The following DMD variants were observed in gnomAD, a reference collection of about 807,000 sequenced individuals.
DMD encodes dystrophin, also known as mutant dystrophin.
DMD carries 63 observed loss-of-function variants against 330.1 expected under a neutral mutation model. The observed-to-expected ratio is 0.19, with a 90% CI of 0.16 to 0.24. The LOEUF (loss-of-function observed/expected upper bound fraction) is 0.24. DMD is among the 10% of genes least tolerant of loss of function. The pLI is 1.00. For synonymous variants in DMD, 1,223 were observed against 959.8 expected (o/e 1.27, Z -5.07); for missense variants, 3,344 against 2,684.1 (o/e 1.25, Z -5.43).
At chrX:32,375,591 T>A (rs1398554828) in intron 34 of DMD, among the ~76,000 whole-genome samples, 1 of 112,270 alleles carries the variant, frequency 8.9e-6, no homozygotes, top group Non-Finnish European at 1.9e-5. Flanking sequence ...TAACTCATCT[T>A]AAGGAATGAA....
At chrX:32,827,660 CTT>C (rs5902039) in intron 4 of DMD, among the ~76,000 whole-genome samples, 2,504 of 72,228 alleles carry the variant, frequency 0.035, 53 homozygotes, top group Admixed American at 0.084. Context: ...ATTAACTCCC[CTT>C]TTTTTTTTTT....
At chrX:32,416,542 C>T (rs1014926025) in intron 29 of DMD, among the ~76,000 whole-genome samples, 4 of 111,688 alleles carry the variant, frequency 3.6e-5, no homozygotes, top group African/African-American at 9.8e-5. Flanking sequence ...AATGAACTAA[C>T]GAAAACTAAA....
chrX:31,577,276 T>C (rs773402719), intron 55 of DMD, among the ~76,000 whole-genome samples: 1 of 112,881 alleles, frequency 8.9e-6, no homozygotes, highest in Non-Finnish European at 1.9e-5. Flanking sequence ...TTAATACTTG[T>C]TTTTTGTAAA....
chrX:31,216,079 C>T (rs185122414), intron 64 of DMD, among the ~76,000 whole-genome samples: 15,095 of 112,001 alleles, frequency 0.13, 1,043 homozygotes, highest in African/African-American at 0.28. Flanking sequence ...AAAGAAACTT[C>T]TATTAGGAGA....
chrX:32,591,221 T>C (rs2054874375), intron 13 of DMD, among the ~76,000 whole-genome samples: 1 of 112,010 alleles, frequency 8.9e-6, no homozygotes, highest in Admixed American at 9.5e-5. Context: ...TATTAAAGTA[T>C]TTTAACAAAA....
intron 44 of DMD, among the ~76,000 whole-genome samples, chrX:32,203,431 GA>G (rs1345566060): frequency 8.9e-6 from 1 of 112,292 alleles, no homozygotes; most frequent in African/African-American, 3.2e-5. Flanking sequence ...TGAAACTTAA[GA>G]AAACTATGTT....
intron 2 of DMD, among the ~76,000 whole-genome samples, chrX:32,965,322 T>C (rs1027006505): frequency 9.0e-6 from 1 of 110,589 alleles, no homozygotes; most frequent in African/African-American, 3.3e-5. Flanking sequence ...TGAAATCCCA[T>C]CTGTACTAAA....
chrX:32,784,469 A>C (rs1035470125), intron 7 of DMD, among the ~76,000 whole-genome samples: 3 of 111,970 alleles, frequency 2.7e-5, no homozygotes, highest in Non-Finnish European at 3.8e-5. Flanking sequence ...AACAACTTTC[A>C]ACAAGAGAAA....
chrX:32,895,572 T>A (rs2085633694), intron 2 of DMD, among the ~76,000 whole-genome samples: 1 of 111,149 alleles, frequency 9.0e-6, no homozygotes, highest in Admixed American at 9.6e-5. Context: ...GGAAGATCGT[T>A]TTCTGAGAGC....
At chrX:32,502,046 A>G (rs1429335116) in intron 18 of DMD, among the ~76,000 whole-genome samples, 2 of 112,077 alleles carry the variant, frequency 1.8e-5, no homozygotes, top group Non-Finnish European at 3.8e-5. Context: ...ATGACTTGCT[A>G]CAACTTTTAA....
intron 1 of DMD, among the ~76,000 whole-genome samples, chrX:33,269,434 T>C (rs1281488380): frequency 4.5e-5 from 5 of 110,574 alleles, no homozygotes; most frequent in Non-Finnish European, 9.5e-5. Flanking sequence ...TGTGGACTAC[T>C]AGAGTGGGGA....
At chrX:31,419,737 G>C (rs2063263281) in intron 60 of DMD, among the ~76,000 whole-genome samples, 1 of 111,462 alleles carries the variant, frequency 9.0e-6, no homozygotes, top group Non-Finnish European at 1.9e-5. Flanking sequence ...AATGGATAAA[G>C]ACCTCAGCAA....
intron 44 of DMD, among the ~76,000 whole-genome samples, chrX:32,054,898 G>A (rs1387016040): frequency 9.7e-6 from 1 of 103,240 alleles, no homozygotes; most frequent in Non-Finnish European, 2.0e-5. Flanking sequence ...GGGAGGGGAG[G>A]AGAGAGAGAT....
intron 16 of DMD, among the ~76,000 whole-genome samples, chrX:32,545,617 A>G (rs775710061): frequency 2.7e-5 from 3 of 111,497 alleles, no homozygotes; most frequent in African/African-American, 9.8e-5. Context: ...GGCAGAGGAG[A>G]AAAATGTAGA....
intron 2 of DMD, among the ~76,000 whole-genome samples, chrX:32,911,524 T>G (rs1004050047): frequency 8.9e-6 from 1 of 112,316 alleles, no homozygotes; most frequent in Non-Finnish European, 1.9e-5. Flanking sequence ...GGAATATACA[T>G]TTAATAATGA....
In DMD at chrX:32,441,694, A is replaced by C. The variant is rs757000262; in HGVS notation, c.3787-380T>G. Among the ~76,000 whole-genome samples the C allele has an allele frequency of 2.4e-3, 266 of 111,765 alleles. 2 individuals are homozygous for C. Among genetic ancestry groups the C allele is most frequent in the African/African-American group, 8.2e-3 (255 of 30,986 alleles). On this transcript the variant is annotated intron_variant, in intron 27 of 78. Transcript: ENST00000357033. The stretch of plus-strand genomic sequence containing the variant: ...TCTGTGACCTCCTCTGAAATTTATC[A>C]TATATAATTTGATAGTTAAAATTTA...
chrX:32,351,076 T>C (rs2097780159), intron 37 of DMD, among the ~76,000 whole-genome samples: 1 of 111,015 alleles, frequency 9.0e-6, no homozygotes, highest in South Asian at 3.7e-4. Flanking sequence ...ACAGGGCTAT[T>C]ACTAAGATCA....
chrX:31,313,813 CTTT>C (rs112090679), intron 62 of DMD, among the ~76,000 whole-genome samples: 1 of 97,541 alleles, frequency 1.0e-5, no homozygotes, highest in Non-Finnish European at 2.0e-5. Flanking sequence ...CTGTTTCTTC[CTTT>C]TTTTTTTTTT....
intron 74 of DMD, among the ~76,000 whole-genome samples, chrX:31,155,994 A>T (rs898492994): frequency 7.5e-5 from 8 of 107,154 alleles, no homozygotes; most frequent in Non-Finnish European, 1.6e-4. Context: ...GACTCCATTT[A>T]AAAAAAAAAG....
Sources: gnomAD v4.1 joint callset for allele counts (sites outside exome capture counted in the v4.1 genomes callset) on GRCh38, gnomAD v4.1.1 for gene constraint, MANE v1.5 for transcripts, NCBI Gene and HGNC (gene_info 2026-07-23, HGNC 2026-07-21) for gene names.